BMP6: variants seen among roughly 807,000 people sequenced by gnomAD.
The protein encoded by BMP6 is bone morphogenetic protein 6.
A neutral mutation model predicts 54.1 loss-of-function variants in BMP6; 17 were observed. The ratio of observed to expected loss-of-function variants is 0.31; its 90% confidence interval spans 0.22 to 0.47. The LOEUF is 0.47. Ranked by LOEUF, BMP6 falls within the 20% of genes least tolerant of loss-of-function variation. BMP6 has a pLI of 1.00. For synonymous variants in BMP6, 328 were observed against 291.2 expected, an observed-to-expected ratio of 1.13 and a Z score of -1.28; for missense variants, 720 against 690.4, an observed-to-expected ratio of 1.04 and a Z score of -0.48.
At chr6:7,809,613 T>C (rs1758406057) in intron 1 of BMP6, among the ~76,000 whole-genome samples, 1 of 152,210 alleles carries the variant, frequency 6.6e-6, no homozygotes, top group South Asian at 2.1e-4. Flanking sequence ...ATCCAGGAGA[T>C]ACTCCTGACC....
Position 7,880,024 on chromosome 6 carries a change from A to C in BMP6, c.1315A>C (p.Asn439His), listed in dbSNP as rs756601097. The stretch of plus-strand genomic sequence containing the variant: ...CATTGCACCCAAGGGCTATGCTGCC[A>C]ATTACTGTGATGGAGAATGCTCCTT... ...WIIAPKGYAANYCDGECSFPL... is the reference protein window; with the variant it reads ...WIIAPKGYAAHYCDGECSFPL... The change falls in exon 6 of 7, where the codon AAT (asparagine) becomes CAT (histidine). Residue 439 changes from asparagine (N) to histidine (H), a missense_variant. By Grantham distance (68) the Asn-to-His change is moderately conservative. Coordinates refer to ENST00000283147, the MANE Select transcript of BMP6 (RefSeq NM_001718.6). 2 of 1,614,206 alleles carry C rather than the reference A, an allele frequency of 1.2e-6. No homozygotes were observed. The highest frequency in any genetic ancestry group is 1.7e-6 in the Non-Finnish European group (2 of 1,180,038).
chr6:7,766,983 AGTTT>A (rs999650893), intron 1 of BMP6, among the ~76,000 whole-genome samples: 3 of 121,190 alleles, frequency 2.5e-5, no homozygotes, highest in South Asian at 2.7e-4. Context: ...TTTAAATGAT[AGTTT>A]GTTTGTTTTT....
intron 1 of BMP6, among the ~76,000 whole-genome samples, chr6:7,813,397 G>A (rs1269841615): frequency 7.8e-6 from 1 of 127,662 alleles, no homozygotes; most frequent in Non-Finnish European, 1.6e-5. Context: ...CAAGGCAAGA[G>A]GTTGCTTAAC....
chr6:7,727,278 G>GGCAGCAGGAGGAGCA lies in BMP6; in HGVS notation c.331_345dup (p.Glu111_Gln115dup), dbSNP rs757277220. The GGCAGCAGGAGGAGCA allele has an allele frequency of 6.2e-7, 1 of 1,605,748 alleles. No individual in the cohort carries two copies. Among genetic ancestry groups the GGCAGCAGGAGGAGCA allele is most frequent in the Non-Finnish European group, 8.5e-7 (1 of 1,176,894 alleles). ...CAACAGCCGCAGCCCCCGGCGCTCCGGCAGCAGGAGGAGCAGCAGCAGCAG... is the reference window on the plus strand; with the variant it reads ...CAACAGCCGCAGCCCCCGGCGCTCCGGCAGCAGGAGGAGCAGCAGCAGGAGGAGCAGCAGCAGCAG... On this transcript the variant is annotated inframe_insertion, in exon 1 of 7. Coordinates refer to ENST00000283147, the MANE Select transcript of BMP6 (RefSeq NM_001718.6).
chr6:7,748,632 C>A (rs1757379803), intron 1 of BMP6, among the ~76,000 whole-genome samples: 2 of 152,160 alleles, frequency 1.3e-5, no homozygotes, highest in Non-Finnish European at 2.9e-5. Context: ...ACCACAAATA[C>A]CCCGTGAATA....
At chr6:7,782,969 C>T (rs1328415558) in intron 1 of BMP6, among the ~76,000 whole-genome samples, 1 of 152,024 alleles carries the variant, frequency 6.6e-6, no homozygotes, top group East Asian at 1.9e-4. Flanking sequence ...TGCAACATGG[C>T]GGTCACTGAT....
chr6:7,827,065 C>G (rs532942539), intron 1 of BMP6, among the ~76,000 whole-genome samples: 1 of 152,272 alleles, frequency 6.6e-6, no homozygotes. Context: ...GCTTGCTGCC[C>G]GTATCTACAG....
At chr6:7,762,363 TCTGCTTTAA>T (rs1267545685) in intron 1 of BMP6, among the ~76,000 whole-genome samples, 2 of 152,206 alleles carry the variant, frequency 1.3e-5, no homozygotes, top group Non-Finnish European at 2.9e-5. Context: ...CACTTGAAGG[TCTGCTTTAA>T]TGATCTTGAA....
chr6:7,779,576 GTGATC>G (rs1230846454), intron 1 of BMP6, among the ~76,000 whole-genome samples: 4 of 152,216 alleles, frequency 2.6e-5, no homozygotes, highest in Non-Finnish European at 4.4e-5. Context: ...CTGGCCTCAA[GTGATC>G]TGCCTGCCTC....
intron 1 of BMP6, among the ~76,000 whole-genome samples, chr6:7,828,059 TTTTTG>T (rs1284926653): frequency 1.3e-5 from 2 of 152,250 alleles, no homozygotes; most frequent in Non-Finnish European, 2.9e-5. Flanking sequence ...GTGTTTTCTG[TTTTTG>T]TTTTGTTTTG....
chr6:7,728,420 G>A (rs1245242728), intron 1 of BMP6, among the ~76,000 whole-genome samples: 1 of 152,202 alleles, frequency 6.6e-6, no homozygotes, highest in Non-Finnish European at 1.5e-5. Flanking sequence ...CGGTTGCCAG[G>A]CAACAGAATG....
chr6:7,811,970 G>A (rs867536886), intron 1 of BMP6, among the ~76,000 whole-genome samples: 8 of 152,332 alleles, frequency 5.3e-5, no homozygotes, highest in Middle Eastern at 3.4e-3. Context: ...TTAGAACAGG[G>A]TAGCGCCTCT....
chr6:7,766,589 G>A (rs1757692463), intron 1 of BMP6, among the ~76,000 whole-genome samples: 1 of 152,208 alleles, frequency 6.6e-6, no homozygotes, highest in African/African-American at 2.4e-5. Flanking sequence ...CTGCACTCCA[G>A]CCTGGGCATC....
intron 1 of BMP6, among the ~76,000 whole-genome samples, chr6:7,834,321 GAGTGAAT>G (rs1758839601): frequency 2.5e-5 from 1 of 39,238 alleles, no homozygotes; most frequent in Non-Finnish European, 4.7e-5. Context: ...TGTATCATCA[GAGTGAAT>G]CATCAGAGTG....
At chr6:7,765,579 C>A (rs1421365267) in intron 1 of BMP6, among the ~76,000 whole-genome samples, 2 of 152,240 alleles carry the variant, frequency 1.3e-5, no homozygotes, top group Non-Finnish European at 2.9e-5. Context: ...GGGGGAGGGA[C>A]CACCCTGATT....
In BMP6 at chr6:7,855,561, T is replaced by C. The variant is rs1038466501; in HGVS notation, c.858-5890T>C. Reference sequence around the variant, plus strand: ...AATCTCTCTCTCTCTCTCTTTTTTTTTTTTTTTTTTTTTTTTTTTGAGATG... The same window carrying C: ...AATCTCTCTCTCTCTCTCTTTTTTTCTTTTTTTTTTTTTTTTTTTGAGATG... On this transcript the variant is annotated intron_variant, in intron 2 of 6. Transcript: ENST00000283147. 2.4e-3 allele frequency among the ~76,000 whole-genome samples: 336 copies of C among 139,816 alleles called. 5 individuals carry two copies. Among genetic ancestry groups the C allele is most frequent in the Admixed American group, 0.018 (241 of 13,766 alleles). The allele number at this position is 139,816 out of a possible 152,430, so 91.7% of individuals were successfully genotyped here. A position where few individuals can be genotyped will look rare whatever the true frequency, so the allele number is the denominator to read the frequency against.
chr6:7,837,345 G>A (rs2113244065), intron 1 of BMP6, among the ~76,000 whole-genome samples: 1 of 152,156 alleles, frequency 6.6e-6, no homozygotes, highest in East Asian at 1.9e-4. Context: ...ATCAAACAAA[G>A]CAGTAGTGAG....
At position 7,810,490 on chromosome 6, in the gene BMP6, G is replaced by A. The variant is rs368589852; in HGVS notation, c.665-34650G>A. On this transcript the variant is annotated intron_variant, in intron 1 of 6. Coordinates refer to ENST00000283147, the MANE Select transcript of BMP6 (RefSeq NM_001718.6). ...TTGTGTTTCCCTCCAGGTCTTCTGC[G>A]TGCATTAAACTCTTACAGAGGTACT... Among the ~76,000 whole-genome samples the A allele has an allele frequency of 4.1e-4, 62 of 152,218 alleles. 3 individuals carry two copies. The East Asian group carries it at 7.2e-3, about 18-fold the overall frequency.
rs367791101 is a variant in BMP6, at chr6:7,727,154, C to T, written c.199C>T (p.Leu67=). 2.5e-6 allele frequency: 4 copies of T among 1,584,156 alleles called. No individual in the cohort carries two copies. Among genetic ancestry groups the T allele is most frequent in the Non-Finnish European group, 3.4e-6 (4 of 1,166,816 alleles). The stretch of plus-strand genomic sequence containing the variant: ...GTCGCCGCAGTCCTCCTCGGGCTTC[C>T]TGTACCGGCGGCTCAAGACGCAGGA... The part of the protein sequence containing the change: ...PPSPQSSSGF[L]YRRLKTQEKR... Residue 67 remains leucine (L), a synonymous_variant, in exon 1 of 7, where the codon CTG becomes TTG. Transcript: ENST00000283147.
Sources: gnomAD v4.1 joint callset for allele counts (sites outside exome capture counted in the v4.1 genomes callset) on GRCh38, gnomAD v4.1.1 for gene constraint, MANE v1.5 for transcripts, NCBI Gene and HGNC (gene_info 2026-07-23, HGNC 2026-07-21) for gene names.